The following EBF2 variants were observed in gnomAD, a reference collection of about 807,000 sequenced individuals.
The protein encoded by EBF2 is EBF transcription factor 2.
EBF2 carries 21 observed loss-of-function variants against 72.8 expected under a neutral mutation model. That is an observed-to-expected ratio of 0.29 (90% CI 0.20 to 0.42). The LOEUF (loss-of-function observed/expected upper bound fraction) is 0.42, where lower values mean the gene tolerates loss of function less well. Ranked by LOEUF, EBF2 falls within the 10% of genes least tolerant of loss-of-function variation. The probability of loss-of-function intolerance (pLI) is 1.00; values close to 1 mark genes in which losing one functional copy is unlikely to be tolerated. For missense variants in EBF2, 637 were observed against 731.2 expected, an observed-to-expected ratio of 0.87 and a Z score of 1.49; for synonymous variants, 299 against 274.2, an observed-to-expected ratio of 1.09 and a Z score of -0.89.
rs117871706 is a variant in EBF2, at chr8:25,964,587, C to T, written c.552-56032G>A. Among the ~76,000 whole-genome samples the T allele has an allele frequency of 9.8e-3, 1,491 of 152,232 alleles. 12 individuals carry two copies. Among genetic ancestry groups the T allele is most frequent in the Non-Finnish European group, 0.015 (1,050 of 68,004 alleles). On this transcript the variant is annotated intron_variant, in intron 6 of 15. Transcript: ENST00000520164. ...ACAGTTCCATGTTTAATGGGAGCGC[C>T]ACATGTTTGATATGTAGGGAAGTAA...
chr8:26,023,117 T>A (rs1457032935), intron 6 of EBF2, among the ~76,000 whole-genome samples: 2 of 152,112 alleles, frequency 1.3e-5, no homozygotes, highest in African/African-American at 2.4e-5. Context: ...GGGTCAAAAA[T>A]GGGCCCAAAG....
At chr8:25,937,908 A>C (rs1803605550) in intron 6 of EBF2, among the ~76,000 whole-genome samples, 1 of 152,172 alleles carries the variant, frequency 6.6e-6, no homozygotes, top group South Asian at 2.1e-4. Context: ...AGGGCTCCCC[A>C]AATTTTCCAC....
At chr8:25,914,126 T>G (rs1456851179) in intron 6 of EBF2, among the ~76,000 whole-genome samples, 1 of 152,206 alleles carries the variant, frequency 6.6e-6, no homozygotes, top group African/African-American at 2.4e-5. Flanking sequence ...AGAAGCCTAC[T>G]GGGTGGCCAC....
chr8:26,030,294 A>G (rs575166525), intron 6 of EBF2, among the ~76,000 whole-genome samples: 1 of 152,248 alleles, frequency 6.6e-6, no homozygotes, highest in South Asian at 2.1e-4. Context: ...ATGAGGGAGA[A>G]CATGCAGTGT....
At chr8:25,990,184 G>C (rs1326024947) in intron 6 of EBF2, among the ~76,000 whole-genome samples, 1 of 142,904 alleles carries the variant, frequency 7.0e-6, no homozygotes. Context: ...AGAGCTATGG[G>C]TTATACACAC....
At chr8:25,923,841 C>A (rs1196789484) in intron 6 of EBF2, among the ~76,000 whole-genome samples, 1 of 152,054 alleles carries the variant, frequency 6.6e-6, no homozygotes, top group Non-Finnish European at 1.5e-5. Flanking sequence ...CAAAGCTAGG[C>A]CAATTGACTT....
At chr8:25,946,111 C>G (rs1803764708) in intron 6 of EBF2, among the ~76,000 whole-genome samples, 1 of 152,212 alleles carries the variant, frequency 6.6e-6, no homozygotes, top group African/African-American at 2.4e-5. Flanking sequence ...ATAATGAGTT[C>G]TTCAACTTCT....
intron 5 of EBF2, 56 bp downstream of exon 5, chr8:26,039,972 C>T: frequency 1.9e-6 from 3 of 1,585,944 alleles, no homozygotes; most frequent in Non-Finnish European, 2.6e-6. Flanking sequence ...CGCGCCAAGG[C>T]GGGGCTGGAG....
chr8:26,003,253 C>G (rs988155605), intron 6 of EBF2, among the ~76,000 whole-genome samples: 1 of 152,064 alleles, frequency 6.6e-6, no homozygotes, highest in Non-Finnish European at 1.5e-5. Context: ...CAAAAAGTGC[C>G]CAAAACTTCT....
intron 6 of EBF2, among the ~76,000 whole-genome samples, chr8:25,982,639 T>C (rs1804380803): frequency 6.6e-6 from 1 of 152,154 alleles, no homozygotes. Context: ...TCCAAGGCCA[T>C]TGAAGCTACT....
At chr8:25,944,618 A>T (rs1180904471) in intron 6 of EBF2, among the ~76,000 whole-genome samples, 1 of 148,238 alleles carries the variant, frequency 6.7e-6, no homozygotes, top group African/African-American at 2.5e-5. Flanking sequence ...ATTGCATATA[A>T]TCTACAATAT....
chr8:25,974,148 T>C (rs1252540688), intron 6 of EBF2, among the ~76,000 whole-genome samples: 1 of 152,174 alleles, frequency 6.6e-6, no homozygotes, highest in African/African-American at 2.4e-5. Flanking sequence ...GGTGAGATCA[T>C]GTTGTCTGAC....
intron 7 of EBF2, 69 bp from the exon 8 acceptor site, chr8:25,889,938 A>G (rs193217079): frequency 2.3e-5 from 31 of 1,361,276 alleles, no homozygotes; most frequent in Non-Finnish European, 3.3e-5. Flanking sequence ...TAGCAAATGC[A>G]CCAAAATTCT....
intron 6 of EBF2, among the ~76,000 whole-genome samples, chr8:25,924,679 T>A (rs966788439): frequency 6.6e-6 from 1 of 152,212 alleles, no homozygotes; most frequent in Non-Finnish European, 1.5e-5. Flanking sequence ...CCAACACAGA[T>A]AGCTTTGTTC....
intron 6 of EBF2, among the ~76,000 whole-genome samples, chr8:25,928,381 A>G (rs1354146215): frequency 1.3e-5 from 2 of 152,126 alleles, no homozygotes; most frequent in African/African-American, 4.8e-5. Flanking sequence ...ATATGCTCCC[A>G]TCTGACTCAT....
chr8:25,973,515 C>T (rs1388440705), intron 6 of EBF2, among the ~76,000 whole-genome samples: 2 of 152,118 alleles, frequency 1.3e-5, no homozygotes, highest in Admixed American at 6.5e-5. Context: ...GTGTGCAAAA[C>T]CAGCGATGAA....
rs961045224 is a variant in EBF2, at chr8:25,841,787, A to T, written c.*2822T>A. On this transcript the variant is annotated 3_prime_UTR_variant, in exon 16 of 16. Transcript: ENST00000520164. The stretch of plus-strand genomic sequence containing the variant: ...AATTTAAAGTTTAAAACTGAAGTAG[A>T]CATATTCATTTTACAAACAAGATAT... 4 of 152,236 alleles carry T rather than the reference A, an allele frequency of 2.6e-5. No individual in the cohort carries two copies. The highest frequency in any genetic ancestry group is 9.6e-5 in the African/African-American group (4 of 41,472). 9.4% of individuals were successfully genotyped at this position (152,236 alleles called of 1,614,324 possible).
intron 8 of EBF2, among the ~76,000 whole-genome samples, chr8:25,889,412 T>G (rs1241168454): frequency 6.6e-6 from 1 of 152,194 alleles, no homozygotes; most frequent in African/African-American, 2.4e-5. Flanking sequence ...TAAGGGCACA[T>G]GTGACACTTA....
chr8:25,869,138 C>A (rs1802386563), intron 10 of EBF2, among the ~76,000 whole-genome samples: 1 of 152,184 alleles, frequency 6.6e-6, no homozygotes, highest in Admixed American at 6.5e-5. Flanking sequence ...TGATTCAATT[C>A]TCCTGCAGTC....
Sources: gnomAD v4.1 joint callset for allele counts (sites outside exome capture counted in the v4.1 genomes callset) on GRCh38, gnomAD v4.1.1 for gene constraint, MANE v1.5 for transcripts, NCBI Gene and HGNC (gene_info 2026-07-23, HGNC 2026-07-21) for gene names.